NAT16: variants seen among roughly 807,000 people sequenced by gnomAD.
NAT16 encodes probable N-acetyltransferase 16.
NAT16 carries 16 observed loss-of-function variants against 15.9 expected under a neutral mutation model. The ratio of observed to expected loss-of-function variants is 1.01; its 90% CI spans 0.68 to 1.53. NAT16 has a LOEUF of 1.53. Among genes scored for constraint, NAT16 ranks in the 40% most tolerant of loss-of-function variants. The pLI, the probability that NAT16 is intolerant of heterozygous loss-of-function variation, is 0.00. For synonymous variants in NAT16, 260 were observed against 241.9 expected, an observed-to-expected ratio of 1.07 and a Z score of -0.69; for missense variants, 572 against 508.4, an observed-to-expected ratio of 1.13 and a Z score of -1.20.
At chr7:101,174,888 CT>C in intron 1 of NAT16, 77 bp from the exon 2 acceptor site, 3 of 1,469,170 alleles carry the variant, frequency 2.0e-6, no homozygotes, top group Non-Finnish European at 2.7e-6. Flanking sequence ...ACAAACGGTC[CT>C]AATGCCCCTT....
chr7:101,172,526 G>A lies in NAT16; in HGVS notation c.663C>T (p.Gly221=). ...GTGACAGCAGGAGGCGTGCCACGTC[G>A]CCGCCTGCCTCGGACACGGCCTCGG... ...LPTEAVSEAG[G]DVARLLLSPS... The change falls in exon 4 of 4, where the codon GGC becomes GGT. Residue 221 remains glycine (G), a synonymous_variant. Transcript: ENST00000300303. This position sits in a 1 kb window ranked among gnomAD's most constrained non-coding sequence, Gnocchi z 4.2. 1.3e-6 allele frequency: 2 copies of A among 1,576,062 alleles called. No homozygotes were observed. The highest frequency in any genetic ancestry group is 1.7e-6 in the Non-Finnish European group (2 of 1,168,986).
chr7:101,174,928 T>A, intron 1 of NAT16, 117 bp from the exon 2 acceptor site: 1 of 1,209,276 alleles, frequency 8.3e-7, no homozygotes, highest in Non-Finnish European at 1.0e-6. Flanking sequence ...CTTTTTCTTT[T>A]CTTTTATTTA....
chr7:101,179,755 G>A (rs760374289), intron 1 of NAT16, among the ~76,000 whole-genome samples: 1 of 151,836 alleles, frequency 6.6e-6, no homozygotes, highest in Non-Finnish European at 1.5e-5. Flanking sequence ...TTGGGGGAGA[G>A]GGAGATTGCA....
At chr7:101,179,031 G>T (rs1014969430) in intron 1 of NAT16, 2 of 151,898 alleles carry the variant, frequency 1.3e-5, no homozygotes, top group Non-Finnish European at 2.9e-5. Context: ...GGGCATGATC[G>T]GAGTCAGAGC....
At chr7:101,175,616 G>A (rs575782372) in intron 1 of NAT16, among the ~76,000 whole-genome samples, 8 of 148,776 alleles carry the variant, frequency 5.4e-5, no homozygotes, top group East Asian at 2.1e-4. Context: ...GGCACTTGGG[G>A]GTAGTTTTAA....
intron 1 of NAT16, among the ~76,000 whole-genome samples, chr7:101,179,565 GGGGC>G (rs1353691332): frequency 6.7e-6 from 1 of 150,014 alleles, no homozygotes; most frequent in Non-Finnish European, 1.5e-5. Context: ...CGATGAAGTG[GGGGC>G]GGGAGAGAAG....
intron 1 of NAT16, among the ~76,000 whole-genome samples, chr7:101,178,058 G>C (rs955216185): frequency 1.3e-5 from 2 of 152,196 alleles, no homozygotes; most frequent in African/African-American, 4.8e-5. Context: ...GTGAGCAACC[G>C]GTAGACTGGA....
Position 101,171,883 on chromosome 7 carries a change from G to A in NAT16, c.*196C>T, listed in dbSNP as rs1160045688. The stretch of plus-strand genomic sequence containing the variant: ...TTCAGGTCAGGGAGTGGGCAATGGT[G>A]TTTGGGGGAGCTAGAGGCAAGATAG... On this transcript the variant is annotated 3_prime_UTR_variant, in exon 4 of 4. Transcript: ENST00000300303. 5 of 579,124 alleles carry A rather than the reference G, an allele frequency of 8.6e-6. No individual in the cohort carries two copies. Among genetic ancestry groups the A allele is most frequent in the Non-Finnish European group, 1.2e-5 (4 of 327,010 alleles). The allele number at this position is 579,124 out of a possible 1,614,324, so 35.9% of individuals were successfully genotyped here.
chr7:101,175,239 G>A (rs1797440069), intron 1 of NAT16, among the ~76,000 whole-genome samples: 1 of 151,992 alleles, frequency 6.6e-6, no homozygotes, highest in Non-Finnish European at 1.5e-5. Context: ...ACAGGTGTGA[G>A]CCACCACATT....
chr7:101,177,543 G>T (rs192843032), intron 1 of NAT16, among the ~76,000 whole-genome samples: 1 of 151,930 alleles, frequency 6.6e-6, no homozygotes, highest in Non-Finnish European at 1.5e-5. Flanking sequence ...TAGAGATGGG[G>T]GTCCCACTAT....
rs1333782625 is a variant in NAT16 at position 101,173,443 on chromosome 7, C to T, written c.390G>A (p.Glu130=). The change falls in exon 3 of 4, where the codon GAG becomes GAA. Residue 130 remains glutamate (E), a synonymous_variant. Transcript: ENST00000300303. ...GCAGCCCGGCCACGCCCTTCCCGCG[C>T]TCCCAGGGCGCCACGCGCAGCCCCT... ...LVEGLRVAPW[E]RGKGVAGLLQ... The T allele has an allele frequency of 2.5e-6, 4 of 1,612,424 alleles. No individual in the cohort carries two copies. Among genetic ancestry groups the T allele is most frequent in the Non-Finnish European group, 3.4e-6 (4 of 1,179,106 alleles).
At position 101,177,567 on chromosome 7, in the gene NAT16, G is replaced by A. The variant is rs899294084; in HGVS notation, c.-5+2475C>T. 5.8e-4 allele frequency among the ~76,000 whole-genome samples: 88 copies of A among 152,176 alleles called. 1 individual carries two copies. Among genetic ancestry groups the A allele is most frequent in the African/African-American group, 1.8e-3 (75 of 41,528 alleles). ...GGGTCCCACTATTTTGCCCAGGCTG[G>A]TCTTGAACTCCTGGGCTCAAGTGAT... On this transcript the variant is annotated intron_variant, in intron 1 of 3. Transcript: ENST00000300303.
chr7:101,177,899 T>C (rs1182564493), intron 1 of NAT16, among the ~76,000 whole-genome samples: 1 of 152,188 alleles, frequency 6.6e-6, no homozygotes, highest in Non-Finnish European at 1.5e-5. Context: ...CTGAGGACAA[T>C]GGGTCCCAGA....
At position 101,174,481 on chromosome 7, in the gene NAT16, T is replaced by C. The variant is rs1315507517; in HGVS notation, c.312+15A>G. Reference sequence around the variant, plus strand: ...GCTTCACCCCATGTCACCTGGGCCGTGCCCCCGGGCTCACCACGCCTCCGT... The same window carrying C: ...GCTTCACCCCATGTCACCTGGGCCGCGCCCCCGGGCTCACCACGCCTCCGT... On this transcript the variant is annotated intron_variant, in intron 2 of 3. Coordinates refer to ENST00000300303, the MANE Select transcript of NAT16 (RefSeq NM_198571.3). The C allele has an allele frequency of 3.7e-6, 6 of 1,601,384 alleles. No individual in the cohort carries two copies. The highest frequency in any genetic ancestry group is 5.1e-6 in the Non-Finnish European group (6 of 1,174,632).
chr7:101,174,328 A>G, intron 2 of NAT16, 168 bp downstream of exon 2: 3 of 847,874 alleles, frequency 3.5e-6, no homozygotes, highest in Non-Finnish European at 5.3e-6. Context: ...TCACTGACAT[A>G]GCCCCTGGAT....
At chr7:101,174,280 C>G in intron 2 of NAT16, 1 of 594,460 alleles carries the variant, frequency 1.7e-6, no homozygotes, top group Non-Finnish European at 2.8e-6. Context: ...TCACCTGTCC[C>G]TCTGGTTCCT....
intron 2 of NAT16, chr7:101,173,810 A>T: frequency 2.2e-6 from 1 of 446,772 alleles, no homozygotes; most frequent in Middle Eastern, 5.9e-4. Flanking sequence ...TGCAGCCTCA[A>T]ACTCCTGGGC....
At chr7:101,174,882 A>G in intron 1 of NAT16, 71 bp from the exon 2 acceptor site, 1 of 1,489,002 alleles carries the variant, frequency 6.7e-7, no homozygotes, top group East Asian at 2.3e-5. Context: ...CTGCACACAA[A>G]CGGTCCTAAT....
intron 2 of NAT16, 191 bp downstream of exon 2, chr7:101,174,305 C>T (rs1054472004): frequency 1.4e-6 from 1 of 718,298 alleles, no homozygotes; most frequent in Non-Finnish European, 2.2e-6. Flanking sequence ...TTTAGGAGTC[C>T]TCCACCCCAC....
Sources: allele counts gnomAD v4.1 joint callset (sites outside exome capture counted in the v4.1 genomes callset), GRCh38; gene constraint gnomAD v4.1.1; non-coding constraint Gnocchi (gnomAD v3.1); transcripts MANE v1.5; gene names NCBI Gene and HGNC (gene_info 2026-07-23, HGNC 2026-07-21).